Variants in STX8 observed in about 807,000 individuals in gnomAD.
STX8 encodes the protein syntaxin 8.
A neutral mutation model predicts 37.5 loss-of-function variants in STX8; 23 were observed. That is an observed-to-expected ratio of 0.61 (90% CI 0.44 to 0.87). The LOEUF (loss-of-function observed/expected upper bound fraction) is 0.87, where lower values mean the gene tolerates loss of function less well. Among genes scored for constraint, STX8 ranks in the 40% least tolerant of loss-of-function variants. STX8 has a pLI of 0.00. For synonymous variants in STX8, 115 were observed against 99.1 expected, an observed-to-expected ratio of 1.16 and a Z score of -0.95; for missense variants, 313 against 284.7, an observed-to-expected ratio of 1.10 and a Z score of -0.71.
intron 7 of STX8, among the ~76,000 whole-genome samples, chr17:9,286,951 T>C (rs1402975080): frequency 6.6e-6 from 1 of 152,086 alleles, no homozygotes; most frequent in Non-Finnish European, 1.5e-5. Flanking sequence ...GTCTGTGATA[T>C]GGGAATGACA....
intron 1 of STX8, among the ~76,000 whole-genome samples, chr17:9,573,698 A>C (rs761115382): frequency 6.6e-6 from 1 of 152,150 alleles, no homozygotes; most frequent in African/African-American, 2.4e-5. Flanking sequence ...GGGCCTTAAA[A>C]ATGTTTATAC....
chr17:9,435,944 ACT>A (rs1489587879), intron 6 of STX8, among the ~76,000 whole-genome samples: 1 of 152,138 alleles, frequency 6.6e-6, no homozygotes, highest in Non-Finnish European at 1.5e-5. Context: ...AGAAAAACAG[ACT>A]CTGCAGGGAA....
chr17:9,467,583 AAAGG>A (rs1438607056), intron 6 of STX8, among the ~76,000 whole-genome samples: 1 of 152,212 alleles, frequency 6.6e-6, no homozygotes, highest in East Asian at 1.9e-4. Flanking sequence ...TCGCTTTGGA[AAAGG>A]AAGAGGAAAC....
intron 6 of STX8, among the ~76,000 whole-genome samples, chr17:9,387,756 A>C (rs1296649132): frequency 6.6e-6 from 1 of 152,220 alleles, no homozygotes; most frequent in Non-Finnish European, 1.5e-5. Context: ...GCCACAATAC[A>C]TAATACAAAA....
At chr17:9,250,952 G>A (rs997967778) in intron 7 of STX8, among the ~76,000 whole-genome samples, 6 of 152,078 alleles carry the variant, frequency 3.9e-5, no homozygotes, top group South Asian at 2.1e-4. Flanking sequence ...AAGGGAGGGC[G>A]CAAGCTGCTG....
At chr17:9,464,242 CTCAG>C (rs1905515906) in intron 6 of STX8, among the ~76,000 whole-genome samples, 2 of 152,122 alleles carry the variant, frequency 1.3e-5, no homozygotes, top group Admixed American at 1.3e-4. Flanking sequence ...AAACATTTTT[CTCAG>C]GCACTTCTAT....
In STX8 at chr17:9,318,953, A is replaced by T. The variant is rs556622173; in HGVS notation, c.643+59599T>A. 2.0e-5 allele frequency among the ~76,000 whole-genome samples: 3 copies of T among 152,312 alleles called. No homozygotes were observed. The East Asian group carries it at 5.8e-4, about 29-fold the overall frequency. ...GGGGTGCAGAGCCAGTGCGGATTGG[A>T]GCAGAAGATAGCATGTAGAAGGGAG... On this transcript the variant is annotated intron_variant, in intron 7 of 7. Coordinates refer to ENST00000306357, the MANE Select transcript of STX8 (RefSeq NM_004853.3).
chr17:9,330,265 T>G (rs943296192), intron 7 of STX8, among the ~76,000 whole-genome samples: 1 of 152,198 alleles, frequency 6.6e-6, no homozygotes, highest in African/African-American at 2.4e-5. Flanking sequence ...TTCTCCAGCA[T>G]TCAGCAACTT....
chr17:9,414,031 CA>C, intron 6 of STX8, among the ~76,000 whole-genome samples: 2 of 142,172 alleles, frequency 1.4e-5, no homozygotes, highest in African/African-American at 2.7e-5. Flanking sequence ...TCCATCCATC[CA>C]ACCATCTATC....
At position 9,329,050 on chromosome 17, in the gene STX8, C is replaced by CAAAAA. The variant is rs998679728; in HGVS notation, c.643+49497_643+49501dup. 7.9e-3 allele frequency among the ~76,000 whole-genome samples: 221 copies of CAAAAA among 27,974 alleles called. 31 individuals are homozygous for CAAAAA. The highest frequency in any genetic ancestry group is 0.025 in the South Asian group (7 of 276). The allele number at this position is 27,974 out of a possible 152,430, so 18.4% of individuals were successfully genotyped here. ...GGGCGACAAGAGCGAGATTCCATCT[C>CAAAAA]AAAAAAAAAAAAAAAAAAAAAAAAA... On this transcript the variant is annotated intron_variant, in intron 7 of 7. Coordinates refer to ENST00000306357, the MANE Select transcript of STX8 (RefSeq NM_004853.3).
intron 6 of STX8, among the ~76,000 whole-genome samples, chr17:9,420,954 C>G (rs991278254): frequency 2.0e-5 from 3 of 152,156 alleles, no homozygotes; most frequent in African/African-American, 7.2e-5. Flanking sequence ...CATTGTTCCA[C>G]CAGTTTCTCA....
chr17:9,335,845 ACACT>A (rs1365543203), intron 7 of STX8, among the ~76,000 whole-genome samples: 18 of 149,230 alleles, frequency 1.2e-4, no homozygotes, highest in African/African-American at 2.2e-4. Context: ...ACACACACAC[ACACT>A]CACACTCACG....
At chr17:9,371,296 C>T (rs946961844) in intron 7 of STX8, among the ~76,000 whole-genome samples, 35 of 152,242 alleles carry the variant, frequency 2.3e-4, no homozygotes, top group Admixed American at 7.2e-4. Flanking sequence ...GATGATGTGG[C>T]GGCTGCTATC....
chr17:9,414,783 C>CTTT (rs10552538), intron 6 of STX8, among the ~76,000 whole-genome samples: 97 of 57,402 alleles, frequency 1.7e-3, no homozygotes, highest in East Asian at 2.6e-3. Context: ...CTGAGTTCTG[C>CTTT]TTTTTTTTTT....
intron 7 of STX8, among the ~76,000 whole-genome samples, chr17:9,260,848 C>T (rs899403057): frequency 1.4e-4 from 22 of 152,320 alleles, no homozygotes; most frequent in African/African-American, 5.3e-4. Flanking sequence ...GAGCTGGTGC[C>T]CAGCACCGGG....
intron 7 of STX8, among the ~76,000 whole-genome samples, chr17:9,308,741 AAAAGGAATTC>A (rs1291181437): frequency 6.6e-6 from 1 of 151,638 alleles, no homozygotes; most frequent in Admixed American, 6.6e-5. Context: ...AAAAAAAAAA[AAAAGGAATTC>A]TAGTTTCTAT....
Position 9,301,666 on chromosome 17 carries a change from G to A in STX8, c.644-51021C>T, listed in dbSNP as rs894108801. On this transcript the variant is annotated intron_variant, in intron 7 of 7. Coordinates refer to ENST00000306357, the MANE Select transcript of STX8 (RefSeq NM_004853.3). ...TCCGGCCATTTTTGTTTTTTTTTTT[G>A]TATTTTTAGTAGAGACGGGGTTTCA... Among the ~76,000 whole-genome samples the A allele has an allele frequency of 3.3e-4, 45 of 137,870 alleles. 1 individual carries two copies. The highest frequency in any genetic ancestry group is 1.8e-3 in the South Asian group (8 of 4,484). The allele number at this position is 137,870 out of a possible 152,430, so 90.4% of individuals were successfully genotyped here. A position where few individuals can be genotyped will look rare whatever the true frequency, so the allele number is the denominator to read the frequency against.
intron 1 of STX8, among the ~76,000 whole-genome samples, chr17:9,569,026 CAT>C (rs1449586337): frequency 6.6e-6 from 1 of 152,184 alleles, no homozygotes; most frequent in Non-Finnish European, 1.5e-5. Context: ...CCAACTCACA[CAT>C]GAGAAAAGGA....
chr17:9,399,825 C>T (rs1750152840), intron 6 of STX8, among the ~76,000 whole-genome samples: 1 of 145,696 alleles, frequency 6.9e-6, no homozygotes, highest in Non-Finnish European at 1.5e-5. Flanking sequence ...AAGATCACGC[C>T]ATTGCACTCC....
Sources: allele counts gnomAD v4.1 joint callset (sites outside exome capture counted in the v4.1 genomes callset), GRCh38; gene constraint gnomAD v4.1.1; transcripts MANE v1.5; gene names NCBI Gene and HGNC (gene_info 2026-07-23, HGNC 2026-07-21).